The following PLCB4 variants were observed in gnomAD, a reference collection of about 807,000 sequenced individuals.
The protein encoded by PLCB4 is 1-phosphatidylinositol 4,5-bisphosphate phosphodiesterase beta-4.
Under a neutral mutation model 178.8 loss-of-function variants are expected in PLCB4, and 77 were observed. The ratio of observed to expected loss-of-function variants is 0.43; its 90% CI spans 0.36 to 0.52. PLCB4 has a LOEUF of 0.52. PLCB4 is among the 20% of genes least tolerant of loss of function. The pLI is 0.00. For missense variants in PLCB4, 1,024 were observed against 1,453.4 expected (o/e 0.70, Z 4.80); for synonymous variants, 496 against 490.8 (o/e 1.01, Z -0.14).
intron 4 of PLCB4, among the ~76,000 whole-genome samples, chr20:9,328,955 A>AG (rs2148010516): frequency 6.6e-6 from 1 of 152,268 alleles, no homozygotes; most frequent in East Asian, 1.9e-4. Flanking sequence ...GAACTTAAGG[A>AG]GGGGGTATGT....
At chr20:9,421,565 C>T in intron 27 of PLCB4, 104 bp downstream of exon 27, 1 of 860,014 alleles carries the variant, frequency 1.2e-6, no homozygotes, top group Non-Finnish European at 1.9e-6. Context: ...CCGACAACAT[C>T]TTCTTTTTCT....
At chr20:9,359,241 GTAAGAGCAAGGTC>G (rs1400690918) in intron 7 of PLCB4, among the ~76,000 whole-genome samples, 2 of 152,164 alleles carry the variant, frequency 1.3e-5, no homozygotes, top group Non-Finnish European at 2.9e-5. Context: ...TGATAGATGG[GTAAGAGCAAGGTC>G]TAAACATATG....
intron 7 of PLCB4, among the ~76,000 whole-genome samples, chr20:9,358,916 A>T (rs2035078682): frequency 6.6e-6 from 1 of 152,156 alleles, no homozygotes; most frequent in Non-Finnish European, 1.5e-5. Flanking sequence ...CAACAAAAAA[A>T]GGAAATACCG....
In PLCB4 at chr20:9,409,176, C is replaced by G; in HGVS notation, c.1994C>G (p.Thr665Ser). 1.3e-6 allele frequency: 2 copies of G among 1,593,112 alleles called. No homozygotes were observed. Among genetic ancestry groups the G allele is most frequent in the Non-Finnish European group, 1.7e-6 (2 of 1,174,230 alleles). Residue 665 changes from threonine to serine, a missense_variant, in exon 24 of 40, where the codon ACC becomes AGC. Thr to Ser is a moderately conservative substitution (Grantham distance 58). This residue lies in a region of PLCB4 where 227 missense variants were observed against 374.3 expected (regional missense o/e 0.61). Transcript: ENST00000378473. ...GCQMVSLNYQTPDLAMQLNQG... is the reference protein window; with the variant it reads ...GCQMVSLNYQSPDLAMQLNQG... ...CAGATGGTTTCACTGAACTATCAAA[C>G]CCCAGGTAGGAGCTGATGTCCAGTG...
At chr20:9,242,293 G>C (rs2094072756) in intron 3 of PLCB4, among the ~76,000 whole-genome samples, 1 of 152,192 alleles carries the variant, frequency 6.6e-6, no homozygotes, top group Non-Finnish European at 1.5e-5. Flanking sequence ...TCGCAGAGTG[G>C]AGGAAGTTCA....
rs768692260 is a variant in PLCB4, at chr20:9,437,117, C to T, written c.2729C>T (p.Thr910Met). 5 of 1,613,992 alleles carry T rather than the reference C, an allele frequency of 3.1e-6. No individual in the cohort carries two copies. Among genetic ancestry groups the T allele is most frequent in the East Asian group, 4.5e-5 (2 of 44,880 alleles). ...AGCTCTGAGCTCAGACCAACCACCA[C>T]GGCTGCCCTGGCCTCTGGTGTGGAA... ...QSSSELRPTT[T>M]AALASGVEAK... The change falls in exon 30 of 40, where the codon ACG becomes ATG. Residue 910 changes from threonine to methionine, a missense_variant. Thr to Met is a moderately conservative substitution (Grantham distance 81, BLOSUM62 -1). This residue lies in a region of PLCB4 where 227 missense variants were observed against 374.3 expected (regional missense o/e 0.61). Transcript: ENST00000378473.
intron 3 of PLCB4, among the ~76,000 whole-genome samples, chr20:9,288,057 G>A (rs2094549979): frequency 6.6e-6 from 1 of 152,060 alleles, no homozygotes; most frequent in Admixed American, 6.6e-5. Context: ...AGGTTTCTTG[G>A]CCTATGTTCC....
At chr20:9,168,202 C>T (rs1472102137) in intron 2 of PLCB4, among the ~76,000 whole-genome samples, 2 of 152,170 alleles carry the variant, frequency 1.3e-5, no homozygotes, top group East Asian at 3.8e-4. Flanking sequence ...AAATTTTCAA[C>T]ACAAGTTCAA....
intron 21 of PLCB4, 85 bp downstream of exon 21, chr20:9,405,433 A>T: frequency 1.3e-6 from 1 of 780,414 alleles, no homozygotes; most frequent in South Asian, 1.8e-5. Flanking sequence ...TTGTGGTGAA[A>T]AAATGATTAA....
chr20:9,302,008 A>G (rs2094710816), intron 3 of PLCB4, among the ~76,000 whole-genome samples: 1 of 152,144 alleles, frequency 6.6e-6, no homozygotes. Context: ...CGTGTTCCTC[A>G]AAGAGAAGGT....
At chr20:9,400,665 A>G (rs1040802168) in intron 19 of PLCB4, among the ~76,000 whole-genome samples, 1 of 152,162 alleles carries the variant, frequency 6.6e-6, no homozygotes, top group Non-Finnish European at 1.5e-5. Flanking sequence ...GATTTTAGGC[A>G]AATTCTTTAT....
intron 4 of PLCB4, among the ~76,000 whole-genome samples, chr20:9,328,882 G>A: frequency 6.6e-6 from 1 of 152,206 alleles, no homozygotes; most frequent in South Asian, 2.1e-4. Context: ...TCTCTGCACA[G>A]AAAGGGCTCC....
chr20:9,416,047 A>G (rs2040221003), intron 25 of PLCB4, among the ~76,000 whole-genome samples: 1 of 152,160 alleles, frequency 6.6e-6, no homozygotes, highest in African/African-American at 2.4e-5. Flanking sequence ...CATGGTCCTG[A>G]CAAGCTTCTG....
intron 20 of PLCB4, among the ~76,000 whole-genome samples, chr20:9,403,951 G>A (rs925158487): frequency 6.6e-6 from 1 of 152,234 alleles, no homozygotes; most frequent in African/African-American, 2.4e-5. Context: ...GGAGTGCCAG[G>A]CAGGGTGGTG....
At chr20:9,216,667 T>C (rs1363039281) in intron 2 of PLCB4, among the ~76,000 whole-genome samples, 1 of 16,484 alleles carries the variant, frequency 6.1e-5, no homozygotes, top group Non-Finnish European at 8.5e-5. Context: ...ACTTGGCTAA[T>C]TTTTGTATTT....
rs764468615 is a variant in PLCB4 at position 9,408,629 on chromosome 20, A to G, written c.1790-4A>G. ...CTGAATCCATCTTTGCTTTTCTTTT[A>G]CAGAACGCAATATTCATTATAACAT... On this transcript the variant is annotated splice_polypyrimidine_tract_variant and splice_region_variant and intron_variant, in intron 22 of 39. Coordinates refer to ENST00000378473, the MANE Select transcript of PLCB4 (RefSeq NM_001377142.1). 21 of 1,501,194 alleles carry G rather than the reference A, an allele frequency of 1.4e-5. No homozygotes were observed. In the Admixed American group the frequency reaches 2.2e-4, roughly 16 times the overall value. 93.0% of individuals were successfully genotyped at this position (1,501,194 alleles called of 1,614,324 possible).
chr20:9,281,084 T>C (rs1248075869), intron 3 of PLCB4, among the ~76,000 whole-genome samples: 1 of 152,018 alleles, frequency 6.6e-6, no homozygotes, highest in African/African-American at 2.4e-5. Context: ...AATCGTTCTA[T>C]TAAATTTTTG....
chr20:9,403,503 CA>C (rs200728593), intron 20 of PLCB4, among the ~76,000 whole-genome samples: 2 of 151,450 alleles, frequency 1.3e-5, no homozygotes, highest in Admixed American at 6.6e-5. Context: ...TTTAGTTGAG[CA>C]AAAAAAACAA....
At chr20:9,182,032 G>T (rs1245442969) in intron 2 of PLCB4, among the ~76,000 whole-genome samples, 1 of 152,174 alleles carries the variant, frequency 6.6e-6, no homozygotes. Flanking sequence ...GAGTTGAGAG[G>T]GCGGTGTCTG....
Sources: allele counts gnomAD v4.1 joint callset (sites outside exome capture counted in the v4.1 genomes callset), GRCh38; gene constraint gnomAD v4.1.1; regional missense constraint gnomAD v4.1.1; transcripts MANE v1.5; gene names NCBI Gene and HGNC (gene_info 2026-07-23, HGNC 2026-07-21).